ZNF267: variants seen among roughly 807,000 people sequenced by gnomAD.
ZNF267 encodes the protein zinc finger (C2H2).
A neutral mutation model predicts 71.6 loss-of-function variants in ZNF267; 61 were observed. The observed-to-expected ratio is 0.85, with a 90% CI of 0.69 to 1.05. The LOEUF (loss-of-function observed/expected upper bound fraction) is 1.05. Ranked by LOEUF, ZNF267 falls within the 50% of genes least tolerant of loss-of-function variation. The probability of loss-of-function intolerance (pLI) is 0.00; values close to 1 mark genes in which losing one functional copy is unlikely to be tolerated. For synonymous variants in ZNF267, 288 were observed against 293.2 expected, an observed-to-expected ratio of 0.98 and a Z score of 0.18; for missense variants, 852 against 870.0, an observed-to-expected ratio of 0.98 and a Z score of 0.26.
rs1391941000 is a variant in ZNF267 at position 31,914,526 on chromosome 16, G to A, written c.277G>A (p.Ala93Thr). ...CCTGTTGACAGAGCACTGCACAGAA[G>A]CTTCATTCCAAAAAGTGATATCGAG... is the stretch of plus-strand genomic sequence containing the variant. ...KDLLTEHCTE[A>T]SFQKVISRRH... is the part of the protein sequence containing the mutation. The change falls in exon 4 of 4, where the codon GCT becomes ACT. Residue 93 changes from alanine to threonine, a missense_variant. Coordinates refer to ENST00000300870, the MANE Select transcript of ZNF267 (RefSeq NM_003414.6). 2 of 1,613,892 alleles carry A rather than the reference G, an allele frequency of 1.2e-6. No homozygotes were observed. Among genetic ancestry groups the A allele is most frequent in the Non-Finnish European group, 8.5e-7 (1 of 1,179,938 alleles).
intron 3 of ZNF267, among the ~76,000 whole-genome samples, chr16:31,906,309 G>A (rs1048263775): frequency 7.2e-5 from 11 of 152,242 alleles, no homozygotes; most frequent in Non-Finnish European, 2.9e-5. Flanking sequence ...AAAGCTGACA[G>A]ACAGGGACAT....
intron 1 of ZNF267, among the ~76,000 whole-genome samples, chr16:31,880,254 T>C (rs937555278): frequency 6.6e-6 from 1 of 152,216 alleles, no homozygotes; most frequent in Non-Finnish European, 1.5e-5. Context: ...TCCAGTGAGC[T>C]ACAGCAGTTC....
chr16:31,905,218 A>AT (rs2084078498), intron 3 of ZNF267, among the ~76,000 whole-genome samples: 1 of 151,824 alleles, frequency 6.6e-6, no homozygotes, highest in Admixed American at 6.6e-5. Context: ...TGCCCTTAAC[A>AT]TTTTTTCCTT....
intron 1 of ZNF267, chr16:31,875,045 C>T: frequency 1.9e-6 from 2 of 1,071,080 alleles, no homozygotes; most frequent in South Asian, 1.3e-5. Flanking sequence ...CCTGACACTC[C>T]ACTGCAAAAA....
intron 3 of ZNF267, among the ~76,000 whole-genome samples, chr16:31,904,843 T>A (rs963658345): frequency 6.6e-6 from 1 of 152,210 alleles, no homozygotes; most frequent in South Asian, 2.1e-4. Context: ...GTTAGCTGGT[T>A]ATTTTGCTCA....
intron 3 of ZNF267, among the ~76,000 whole-genome samples, chr16:31,887,247 T>C (rs1264160895): frequency 6.6e-6 from 1 of 151,642 alleles, no homozygotes; most frequent in Non-Finnish European, 1.5e-5. Flanking sequence ...TTTTGTCAGA[T>C]TTACTTTTTT....
Position 31,914,803 on chromosome 16 carries a change from G to A in ZNF267, c.554G>A (p.Gly185Glu). Residue 185 changes from glycine (G) to glutamate (E), a missense_variant, in exon 4 of 4, where the codon GGA (glycine) becomes GAA (glutamate). Gly to Glu is a moderately conservative substitution (Grantham distance 98). Coordinates refer to ENST00000300870, the MANE Select transcript of ZNF267 (RefSeq NM_003414.6). ...LNQQEEIDIWGKHHIYDKTSV... is the reference protein window; with the variant it reads ...LNQQEEIDIWEKHHIYDKTSV... Reference sequence around the variant, plus strand: ...CAACAAGAGGAAATAGATATTTGGGGAAAACATCACATATATGATAAAACT... The same window carrying A: ...CAACAAGAGGAAATAGATATTTGGGAAAAACATCACATATATGATAAAACT... 2.5e-6 allele frequency: 4 copies of A among 1,612,790 alleles called. No homozygotes were observed. The highest frequency in any genetic ancestry group is 3.4e-6 in the Non-Finnish European group (4 of 1,179,640).
rs756909598 is a variant in ZNF267, at chr16:31,884,591, A to T, written c.97A>T (p.Met33Leu). Residue 33 changes from methionine (M) to leucine (L), a missense_variant, in exon 2 of 4, where the codon ATG becomes TTG. By Grantham distance (15) the Met-to-Leu change is conservative. Transcript: ENST00000300870. ...PAQKNLYQDVMLENYRNLVSL... is the reference protein window; with the variant it reads ...PAQKNLYQDVLLENYRNLVSL... The stretch of plus-strand genomic sequence containing the variant: ...TCAGAAGAATTTGTATCAGGATGTG[A>T]TGTTAGAAAACTACAGAAACCTGGT... The T allele has an allele frequency of 3.1e-6, 5 of 1,614,134 alleles. No individual in the cohort carries two copies. In the South Asian group the frequency reaches 5.5e-5, roughly 18 times the overall value.
rs747382010 is a variant in ZNF267, at chr16:31,916,461, C to T, written c.2212C>T (p.His738Tyr). The T allele has an allele frequency of 1.2e-6, 2 of 1,608,276 alleles. No individual in the cohort carries two copies. The highest frequency in any genetic ancestry group is 2.2e-5 in the South Asian group (2 of 90,130). ...RSYLIAHQRS[H>Y]TREKL ...ATACCTCATTGCACATCAGAGAAGT[C>T]ATACTAGAGAAAAACTTTAAAAATG... The change falls in exon 4 of 4, where the codon CAT becomes TAT. Residue 738 changes from histidine (H) to tyrosine (Y), a missense_variant. His to Tyr is a moderately conservative substitution (Grantham distance 83). Transcript: ENST00000300870.
intron 1 of ZNF267, among the ~76,000 whole-genome samples, chr16:31,876,498 C>T (rs1034355881): frequency 1.3e-5 from 2 of 152,226 alleles, no homozygotes; most frequent in Admixed American, 6.5e-5. Context: ...GGATAACAGG[C>T]ATGAGCCACC....
Position 31,915,821 on chromosome 16 carries a change from A to G in ZNF267, c.1572A>G (p.Val524=), listed in dbSNP as rs372450625. 1.9e-6 allele frequency: 3 copies of G among 1,613,426 alleles called. No homozygotes were observed. The change falls in exon 4 of 4, where the codon GTA becomes GTG. Residue 524 remains valine (V), a synonymous_variant. Coordinates refer to ENST00000300870, the MANE Select transcript of ZNF267 (RefSeq NM_003414.6). ...GAGAAAATCTTTACAAATGCAAAGT[A>G]TGTGCTAAACCTTTTACTTGTTTCT... ...HTGENLYKCK[V]CAKPFTCFSN... is the part of the protein sequence containing the mutation.
chr16:31,915,012 C>T lies in ZNF267; in HGVS notation c.763C>T (p.Gln255Ter). The T allele has an allele frequency of 3.1e-6, 5 of 1,608,650 alleles. No individual in the cohort carries two copies. Among genetic ancestry groups the T allele is most frequent in the Non-Finnish European group, 4.2e-6 (5 of 1,178,552 alleles). ...KCKEFEEVFL[Q>*]SMHGQEKQEQ... Reference sequence around the variant, plus strand: ...TAAAGAATTTGAGGAAGTCTTTCTTCAGAGTATGCATGGGCAAGAGAAACA... The same window carrying T: ...TAAAGAATTTGAGGAAGTCTTTCTTTAGAGTATGCATGGGCAAGAGAAACA... The change falls in exon 4 of 4, where the codon CAG becomes TAG. Residue 255 changes from glutamine (Q) to a stop codon, truncating the protein, a stop_gained. Coordinates refer to ENST00000300870, the MANE Select transcript of ZNF267 (RefSeq NM_003414.6). LOFTEE classifies it high-confidence loss of function.
chr16:31,880,644 GA>G (rs2083883438), intron 1 of ZNF267, among the ~76,000 whole-genome samples: 1 of 152,226 alleles, frequency 6.6e-6, no homozygotes, highest in South Asian at 2.1e-4. Flanking sequence ...GCAGGCAGGG[GA>G]CAGGCTGACA....
Position 31,905,918 on chromosome 16 carries a change from T to C in ZNF267, c.227-8558T>C, listed in dbSNP as rs1322577412. Among the ~76,000 whole-genome samples the C allele has an allele frequency of 2.0e-5, 3 of 152,364 alleles. No individual in the cohort carries two copies. In the East Asian group the frequency reaches 5.8e-4, roughly 29 times the overall value. ...TTTTTTCCCCATCTTTGTGGTTTTATGTACCTTTGGTCTTTGATGATGGTG... is the reference window on the plus strand; with the variant it reads ...TTTTTTCCCCATCTTTGTGGTTTTACGTACCTTTGGTCTTTGATGATGGTG... On this transcript the variant is annotated intron_variant, in intron 3 of 3. Coordinates refer to ENST00000300870, the MANE Select transcript of ZNF267 (RefSeq NM_003414.6).
chr16:31,874,072 G>C, intron 1 of ZNF267, 103 bp downstream of exon 1: 1 of 1,360,362 alleles, frequency 7.4e-7, no homozygotes, highest in South Asian at 1.3e-5. Context: ...AGTCAGCCTC[G>C]GGGTCTGGGC....
intron 3 of ZNF267, chr16:31,912,314 T>C (rs2084141521): frequency 6.6e-6 from 1 of 151,706 alleles, no homozygotes; most frequent in Admixed American, 6.6e-5. Context: ...TTTCACGGGA[T>C]AGACTATTCT....
At chr16:31,899,816 T>G (rs1367809900) in intron 3 of ZNF267, among the ~76,000 whole-genome samples, 1 of 152,190 alleles carries the variant, frequency 6.6e-6, no homozygotes, top group Non-Finnish European at 1.5e-5. Context: ...TAAAATACTT[T>G]ATAAGCATAT....
intron 3 of ZNF267, 41 bp from the exon 4 acceptor site, chr16:31,914,434 GA>G: frequency 6.8e-7 from 1 of 1,480,488 alleles, no homozygotes; most frequent in Non-Finnish European, 9.1e-7. Flanking sequence ...ATATGTACCT[GA>G]ATATAGTAAT....
chr16:31,880,052 A>G (rs1195656427), intron 1 of ZNF267, among the ~76,000 whole-genome samples: 2 of 152,230 alleles, frequency 1.3e-5, no homozygotes, highest in Admixed American at 6.5e-5. Flanking sequence ...CAAGAATTGC[A>G]GAGCCAGGTT....
Sources: allele counts gnomAD v4.1 joint callset (sites outside exome capture counted in the v4.1 genomes callset), GRCh38; gene constraint gnomAD v4.1.1; transcripts MANE v1.5; gene names NCBI Gene and HGNC (gene_info 2026-07-23, HGNC 2026-07-21).